The following AGBL4 variants were observed in gnomAD, a reference collection of about 807,000 sequenced individuals.
The protein encoded by AGBL4 is cytosolic carboxypeptidase 6.
AGBL4 carries 58 observed loss-of-function variants against 66.4 expected under a neutral mutation model. The observed-to-expected ratio is 0.87, with a 90% CI of 0.71 to 1.09. The LOEUF is 1.09. Ranked by LOEUF, AGBL4 falls within the 50% of genes least tolerant of loss-of-function variation. AGBL4 has a pLI of 0.00. For synonymous variants in AGBL4, 234 were observed against 222.9 expected, an observed-to-expected ratio of 1.05 and a Z score of -0.44; for missense variants, 579 against 631.0, an observed-to-expected ratio of 0.92 and a Z score of 0.88.
chr1:49,633,444 T>G (rs773605246), intron 3 of AGBL4, among the ~76,000 whole-genome samples: 2 of 152,092 alleles, frequency 1.3e-5, no homozygotes, highest in Non-Finnish European at 2.9e-5. Context: ...AAGACTCAAA[T>G]TAGATATATA....
intron 1 of AGBL4, among the ~76,000 whole-genome samples, chr1:50,023,334 G>C (rs1168841177): frequency 6.6e-6 from 1 of 152,046 alleles, no homozygotes; most frequent in African/African-American, 2.4e-5. Context: ...TCCCTCTTTA[G>C]AGTCAGAGCC....
chr1:49,885,004 G>A (rs1039879209), intron 1 of AGBL4, among the ~76,000 whole-genome samples: 1 of 151,906 alleles, frequency 6.6e-6, no homozygotes, highest in Non-Finnish European at 1.5e-5. Flanking sequence ...GCTGATGGAT[G>A]TGAAAAAAGC....
At chr1:49,785,894 AT>A (rs373714778) in intron 2 of AGBL4, among the ~76,000 whole-genome samples, 55,546 of 125,478 alleles carry the variant, frequency 0.44, 12,043 homozygotes, top group Middle Eastern at 0.59. Flanking sequence ...GAAAAAAAAA[AT>A]ATATATATAT....
intron 1 of AGBL4, among the ~76,000 whole-genome samples, chr1:50,009,822 T>C (rs1408343888): frequency 1.3e-5 from 2 of 152,100 alleles, no homozygotes; most frequent in Non-Finnish European, 2.9e-5. Context: ...AAAATCCACA[T>C]ACAAATATCA....
chr1:49,442,650 A>C, intron 3 of AGBL4, among the ~76,000 whole-genome samples: 1 of 152,238 alleles, frequency 6.6e-6, no homozygotes, highest in East Asian at 1.9e-4. Flanking sequence ...TTATCAATTC[A>C]TGCATTAATA....
intron 2 of AGBL4, among the ~76,000 whole-genome samples, chr1:49,717,441 A>C (rs1367459814): frequency 6.6e-6 from 1 of 151,994 alleles, no homozygotes; most frequent in Non-Finnish European, 1.5e-5. Flanking sequence ...TGCCCTCTTC[A>C]TGTGTCTGAC....
chr1:49,260,091 G>T (rs1226033839), intron 3 of AGBL4, among the ~76,000 whole-genome samples: 1 of 149,744 alleles, frequency 6.7e-6, no homozygotes, highest in Non-Finnish European at 1.5e-5. Context: ...CAGAAATAAA[G>T]ATGTTCTTTG....
intron 3 of AGBL4, among the ~76,000 whole-genome samples, chr1:49,621,692 C>A (rs897826064): frequency 2.0e-5 from 3 of 152,132 alleles, no homozygotes; most frequent in Non-Finnish European, 4.4e-5. Context: ...TGAAGAGGAA[C>A]CTCTACTTTA....
chr1:48,766,403 A>G (rs1316396), intron 6 of AGBL4, among the ~76,000 whole-genome samples: 1 of 152,154 alleles, frequency 6.6e-6, no homozygotes, highest in Non-Finnish European at 1.5e-5. Flanking sequence ...AATGACAGCT[A>G]CAGTTGAGGA....
At chr1:49,417,182 T>A (rs914779025) in intron 3 of AGBL4, among the ~76,000 whole-genome samples, 3 of 152,028 alleles carry the variant, frequency 2.0e-5, no homozygotes, top group African/African-American at 7.2e-5. Flanking sequence ...AGGAAACCTG[T>A]CCTGAAAGAA....
chr1:49,011,187 A>G (rs1208288713), intron 5 of AGBL4, among the ~76,000 whole-genome samples: 1 of 151,974 alleles, frequency 6.6e-6, no homozygotes, highest in Non-Finnish European at 1.5e-5. Context: ...TTTACAAGAA[A>G]AAAACAAACA....
At chr1:49,362,710 A>G (rs555201701) in intron 3 of AGBL4, among the ~76,000 whole-genome samples, 13 of 152,228 alleles carry the variant, frequency 8.5e-5, no homozygotes, top group African/African-American at 3.1e-4. Flanking sequence ...ATAGTATGAA[A>G]TTATATGATT....
At chr1:48,785,135 G>A (rs575862502) in intron 6 of AGBL4, among the ~76,000 whole-genome samples, 1 of 152,194 alleles carries the variant, frequency 6.6e-6, no homozygotes, top group East Asian at 1.9e-4. Context: ...CCATAGACTA[G>A]CTCCAGTCCT....
At chr1:49,178,403 T>C (rs1366957583) in intron 4 of AGBL4, among the ~76,000 whole-genome samples, 1 of 152,116 alleles carries the variant, frequency 6.6e-6, no homozygotes, top group African/African-American at 2.4e-5. Context: ...TTCAATGATG[T>C]CATCCCAGCT....
At position 49,398,866 on chromosome 1, in the gene AGBL4, T is replaced by C. The variant is rs146961828; in HGVS notation, c.283-153002A>G. ...AAACAATCCAATTGTACTCTTTTAG[T>C]TATTTTTAAAATGTACAGTTATATT... On this transcript the variant is annotated intron_variant, in intron 3 of 13. Transcript: ENST00000371839. 1.2e-4 allele frequency among the ~76,000 whole-genome samples: 18 copies of C among 152,306 alleles called. No homozygotes were observed. In the East Asian group the frequency reaches 3.3e-3, roughly 28 times the overall value.
At chr1:50,007,491 G>A (rs1176252624) in intron 1 of AGBL4, among the ~76,000 whole-genome samples, 8 of 152,098 alleles carry the variant, frequency 5.3e-5, no homozygotes, top group South Asian at 2.1e-4. Flanking sequence ...GGCTAGGCAC[G>A]GTGGCTCACA....
chr1:49,073,955 G>A (rs1385522621), intron 4 of AGBL4, among the ~76,000 whole-genome samples: 2 of 152,156 alleles, frequency 1.3e-5, no homozygotes, highest in Non-Finnish European at 2.9e-5. Context: ...CAGCCCACGA[G>A]GTGGAATCTA....
At chr1:49,308,998 T>C (rs1043853689) in intron 3 of AGBL4, among the ~76,000 whole-genome samples, 3 of 152,166 alleles carry the variant, frequency 2.0e-5, no homozygotes, top group Non-Finnish European at 4.4e-5. Context: ...TGAGAGCTTT[T>C]GAGCACATAC....
chr1:49,697,176 G>C, intron 3 of AGBL4, 137 bp downstream of exon 3: 1 of 1,030,506 alleles, frequency 9.7e-7, no homozygotes. Flanking sequence ...TGCATCTCTT[G>C]AACCAAAACT....
Sources: gnomAD v4.1 joint callset for allele counts (sites outside exome capture counted in the v4.1 genomes callset) on GRCh38, gnomAD v4.1.1 for gene constraint, MANE v1.5 for transcripts, NCBI Gene and HGNC (gene_info 2026-07-23, HGNC 2026-07-21) for gene names.